Variants in RNF13 observed in about 807,000 individuals in gnomAD.
RNF13 encodes the protein E3 ubiquitin-protein ligase RNF13.
A neutral mutation model predicts 37.7 loss-of-function variants in RNF13; 19 were observed. That is an observed-to-expected ratio of 0.50 (90% CI 0.35 to 0.74). The LOEUF (loss-of-function observed/expected upper bound fraction) is 0.74. Ranked by LOEUF, RNF13 falls within the 30% of genes least tolerant of loss-of-function variation. The pLI is 0.01. For missense variants in RNF13, 375 were observed against 453.0 expected (o/e 0.83, Z 1.56); for synonymous variants, 144 against 157.8 (o/e 0.91, Z 0.65).
At chr3:149,826,709 C>T (rs1305056968) in intron 1 of RNF13, among the ~76,000 whole-genome samples, 2 of 152,126 alleles carry the variant, frequency 1.3e-5, no homozygotes, top group African/African-American at 4.8e-5. Flanking sequence ...CGCAGAGTCC[C>T]ACCATCCAGA....
intron 1 of RNF13, among the ~76,000 whole-genome samples, chr3:149,838,049 A>T (rs2130321): frequency 0.69 from 104,549 of 152,010 alleles, 36,735 homozygotes; most frequent in East Asian, 0.9. Flanking sequence ...TGCAAGTCCA[A>T]AATCCAGCGG....
Position 149,960,125 on chromosome 3 carries a change from CCT to C in RNF13, c.771_772del (p.Cys258PhefsTer15), listed in dbSNP as rs1457631876. On this transcript the variant is annotated frameshift_variant, in exon 9 of 10. Coordinates refer to ENST00000392894, the MANE Select transcript of RNF13 (RefSeq NM_183381.3). LOFTEE classifies it high-confidence loss of function. ...GATGGAGACAAACTCAGAATCCTTC[CCT>C]GTTCCCATGGTATGAGTAATTACGT... is the stretch of plus-strand genomic sequence containing the variant. The C allele has an allele frequency of 6.2e-7, 1 of 1,604,536 alleles. No individual in the cohort carries two copies. The highest frequency in any genetic ancestry group is 8.5e-7 in the Non-Finnish European group (1 of 1,171,394).
At chr3:149,887,173 G>A (rs972821488) in intron 4 of RNF13, among the ~76,000 whole-genome samples, 1 of 152,134 alleles carries the variant, frequency 6.6e-6, no homozygotes, top group Non-Finnish European at 1.5e-5. Context: ...TAGGAGTAGC[G>A]AGAGCACAGT....
intron 6 of RNF13, among the ~76,000 whole-genome samples, chr3:149,907,832 A>G (rs1716576736): frequency 6.6e-6 from 1 of 152,202 alleles, no homozygotes. Context: ...TTGACCATAT[A>G]CTATGTGCAA....
intron 8 of RNF13, among the ~76,000 whole-genome samples, chr3:149,946,298 A>G (rs1425673391): frequency 6.6e-6 from 1 of 152,260 alleles, no homozygotes; most frequent in Non-Finnish European, 1.5e-5. Flanking sequence ...AATTCAATCA[A>G]CTGGAAGAAA....
intron 5 of RNF13, among the ~76,000 whole-genome samples, chr3:149,898,902 A>G (rs1715530655): frequency 6.6e-6 from 1 of 152,190 alleles, no homozygotes; most frequent in African/African-American, 2.4e-5. Context: ...AGGCATTGCA[A>G]TTTGAGCACC....
chr3:149,958,924 C>G (rs536882636), intron 8 of RNF13, among the ~76,000 whole-genome samples: 1 of 152,258 alleles, frequency 6.6e-6, no homozygotes, highest in African/African-American at 2.4e-5. Context: ...CTATTTCGGG[C>G]TTCTCCTGAA....
At chr3:149,907,887 T>C (rs1445247616) in intron 6 of RNF13, among the ~76,000 whole-genome samples, 2 of 152,258 alleles carry the variant, frequency 1.3e-5, no homozygotes, top group East Asian at 3.8e-4. Flanking sequence ...AGTGGAATTT[T>C]TTTGATTAAG....
At chr3:149,895,768 T>A (rs576515475) in intron 5 of RNF13, among the ~76,000 whole-genome samples, 1 of 152,166 alleles carries the variant, frequency 6.6e-6, no homozygotes, top group Admixed American at 6.5e-5. Flanking sequence ...TAAACATATA[T>A]GTTTTATTTA....
chr3:149,932,798 C>T (rs114352217), intron 8 of RNF13, among the ~76,000 whole-genome samples: 86 of 152,324 alleles, frequency 5.6e-4, no homozygotes, highest in African/African-American at 1.9e-3. Context: ...GGTGGCTCTA[C>T]CCTTCTTGGG....
intron 6 of RNF13, among the ~76,000 whole-genome samples, chr3:149,911,208 A>G (rs1376698374): frequency 1.3e-5 from 2 of 152,238 alleles, no homozygotes; most frequent in African/African-American, 4.8e-5. Context: ...GGGAGGAAAC[A>G]GTATAATTTT....
chr3:149,838,165 C>A (rs1425333467), intron 1 of RNF13, among the ~76,000 whole-genome samples: 1 of 152,228 alleles, frequency 6.6e-6, no homozygotes, highest in Admixed American at 6.5e-5. Flanking sequence ...GGCAGCTCCT[C>A]CCTGGTGGCT....
intron 1 of RNF13, among the ~76,000 whole-genome samples, chr3:149,824,977 T>TA (rs1261750401): frequency 1.3e-5 from 2 of 151,176 alleles, no homozygotes; most frequent in African/African-American, 4.9e-5. Flanking sequence ...TTTTTTTTTT[T>TA]AAGATACAAA....
At chr3:149,829,392 G>A (rs546890948) in intron 1 of RNF13, among the ~76,000 whole-genome samples, 9 of 152,232 alleles carry the variant, frequency 5.9e-5, no homozygotes, top group Admixed American at 2.0e-4. Context: ...GAGCCACTGC[G>A]CCCGGCCAGA....
chr3:149,822,381 G>T (rs2108315929), intron 1 of RNF13: 1 of 152,088 alleles, frequency 6.6e-6, no homozygotes, highest in East Asian at 1.9e-4. Flanking sequence ...GTATTCATTT[G>T]GATACTATTA....
chr3:149,909,963 AC>A (rs1008420371), intron 6 of RNF13, among the ~76,000 whole-genome samples: 3 of 151,380 alleles, frequency 2.0e-5, no homozygotes, highest in Non-Finnish European at 2.9e-5. Flanking sequence ...AAAAAAAAAA[AC>A]AGAATATGAG....
At chr3:149,835,484 C>T (rs571693319) in intron 1 of RNF13, among the ~76,000 whole-genome samples, 1 of 152,056 alleles carries the variant, frequency 6.6e-6, no homozygotes, top group Non-Finnish European at 1.5e-5. Flanking sequence ...GTTGCATTCT[C>T]GTAGCTTAGC....
At chr3:149,896,918 A>G (rs971261706) in intron 5 of RNF13, among the ~76,000 whole-genome samples, 6 of 152,222 alleles carry the variant, frequency 3.9e-5, no homozygotes, top group African/African-American at 7.2e-5. Flanking sequence ...TCATGACTGT[A>G]GAATCCATTA....
At chr3:149,945,783 C>T (rs546719769) in intron 8 of RNF13, among the ~76,000 whole-genome samples, 13 of 152,298 alleles carry the variant, frequency 8.5e-5, no homozygotes, top group Admixed American at 1.3e-4. Context: ...CTGCAGCCTC[C>T]GCTGCTGATA....
Sources: gnomAD v4.1 joint callset for allele counts (sites outside exome capture counted in the v4.1 genomes callset) on GRCh38, gnomAD v4.1.1 for gene constraint, MANE v1.5 for transcripts, NCBI Gene and HGNC (gene_info 2026-07-23, HGNC 2026-07-21) for gene names.